MAGI2: variants seen among roughly 807,000 people sequenced by gnomAD.
MAGI2 encodes the protein membrane-associated guanylate kinase, WW and PDZ domain-containing protein 2.
Under a neutral mutation model 133.3 loss-of-function variants are expected in MAGI2, and 35 were observed. The ratio of observed to expected loss-of-function variants is 0.26; its 90% confidence interval spans 0.20 to 0.35. The LOEUF (loss-of-function observed/expected upper bound fraction) is 0.35. Among genes scored for constraint, MAGI2 ranks in the 10% least tolerant of loss-of-function variants. MAGI2 has a pLI of 1.00. For synonymous variants in MAGI2, 729 were observed against 710.6 expected (o/e 1.03, Z -0.41); for missense variants, 1,636 against 1,863.4 (o/e 0.88, Z 2.25).
intron 3 of MAGI2, among the ~76,000 whole-genome samples, chr7:78,605,700 G>A (rs1198453338): frequency 6.6e-6 from 1 of 152,180 alleles, no homozygotes; most frequent in East Asian, 1.9e-4. Flanking sequence ...AAGGAGGGCA[G>A]AAGGAAATCT....
At chr7:79,066,672 A>G (rs1315069995) in intron 1 of MAGI2, among the ~76,000 whole-genome samples, 2 of 152,130 alleles carry the variant, frequency 1.3e-5, no homozygotes, top group Non-Finnish European at 2.9e-5. Flanking sequence ...TTTAGTCATT[A>G]AGTCTTTGCC....
chr7:79,147,395 G>C (rs1822748399), intron 1 of MAGI2, among the ~76,000 whole-genome samples: 2 of 152,172 alleles, frequency 1.3e-5, no homozygotes, highest in African/African-American at 4.8e-5. Flanking sequence ...GCCCACCCTT[G>C]GGCCGTAGTG....
At chr7:78,034,447 G>A (rs1015241874) in intron 21 of MAGI2, among the ~76,000 whole-genome samples, 1 of 152,064 alleles carries the variant, frequency 6.6e-6, no homozygotes, top group Non-Finnish European at 1.5e-5. Flanking sequence ...TCTTTCAAGT[G>A]GTCCCTTCCC....
chr7:78,114,450 ACT>A (rs1442665775), intron 20 of MAGI2, among the ~76,000 whole-genome samples: 1 of 152,104 alleles, frequency 6.6e-6, no homozygotes, highest in Non-Finnish European at 1.5e-5. Flanking sequence ...GTTTCTCTGA[ACT>A]CAGGGGCATA....
At chr7:79,156,966 C>T (rs1180061271) in intron 1 of MAGI2, among the ~76,000 whole-genome samples, 1 of 152,030 alleles carries the variant, frequency 6.6e-6, no homozygotes, top group Non-Finnish European at 1.5e-5. Context: ...GGTAGAACTG[C>T]TAAGTCCTCC....
rs182707232 is a variant in MAGI2, at chr7:79,112,155, A to C, written c.302-104949T>G. Among the ~76,000 whole-genome samples the C allele has an allele frequency of 1.0e-3, 155 of 151,956 alleles. 2 individuals carry two copies. Among genetic ancestry groups the C allele is most frequent in the Non-Finnish European group, 1.5e-3 (105 of 67,962 alleles). ...TAATTATACATTTTTTTTTAGTTGA[A>C]AGGGGCCTCAGGCATCACCTTCCCG... On this transcript the variant is annotated intron_variant, in intron 1 of 21. Transcript: ENST00000354212.
At chr7:78,366,751 A>C (rs1990369) in intron 7 of MAGI2, among the ~76,000 whole-genome samples, 2 of 151,890 alleles carry the variant, frequency 1.3e-5, no homozygotes, top group Non-Finnish European at 2.9e-5. Context: ...TCTACTTAAC[A>C]TTGTCTTTAA....
At chr7:79,196,076 T>A (rs1828054257) in intron 1 of MAGI2, among the ~76,000 whole-genome samples, 1 of 151,568 alleles carries the variant, frequency 6.6e-6, no homozygotes, top group Admixed American at 6.6e-5. Flanking sequence ...TGAAAAAGAG[T>A]GGATATAAAG....
At chr7:78,603,053 C>A (rs1198761535) in intron 3 of MAGI2, among the ~76,000 whole-genome samples, 1 of 152,146 alleles carries the variant, frequency 6.6e-6, no homozygotes, top group Non-Finnish European at 1.5e-5. Context: ...AAAAGCAATT[C>A]TGGGCACTGG....
intron 1 of MAGI2, among the ~76,000 whole-genome samples, chr7:79,166,444 T>C (rs577678668): frequency 1.3e-5 from 2 of 152,134 alleles, no homozygotes; most frequent in Admixed American, 1.3e-4. Context: ...ACGCCTCAAA[T>C]GAGATAGAAA....
intron 21 of MAGI2, chr7:78,072,961 AAT>A (rs1410552250): frequency 5.0e-6 from 2 of 398,688 alleles, no homozygotes; most frequent in Non-Finnish European, 8.8e-6. Context: ...CCTGGCTGGC[AAT>A]ATATGTTCTT....
intron 9 of MAGI2, among the ~76,000 whole-genome samples, chr7:78,282,960 A>C (rs1334531639): frequency 6.6e-6 from 1 of 152,126 alleles, no homozygotes; most frequent in Non-Finnish European, 1.5e-5. Flanking sequence ...TATGGAAATA[A>C]TATAGAAGTT....
chr7:78,034,262 A>C (rs542531300), intron 21 of MAGI2, among the ~76,000 whole-genome samples: 7 of 152,224 alleles, frequency 4.6e-5, no homozygotes, highest in African/African-American at 1.7e-4. Flanking sequence ...TGATGATTAG[A>C]AAGTTGGGGG....
At chr7:78,932,316 GA>G (rs1267922501) in intron 2 of MAGI2, among the ~76,000 whole-genome samples, 1 of 152,006 alleles carries the variant, frequency 6.6e-6, no homozygotes, top group Non-Finnish European at 1.5e-5. Flanking sequence ...ATAGTAATAA[GA>G]AAAAGAGGAA....
chr7:79,452,373 A>C (rs1471045007), intron 1 of MAGI2, among the ~76,000 whole-genome samples: 1 of 152,184 alleles, frequency 6.6e-6, no homozygotes, highest in Non-Finnish European at 1.5e-5. Flanking sequence ...CGATGCCCAC[A>C]TGACACGACC....
chr7:79,288,419 AT>A (rs1247540485), intron 1 of MAGI2, among the ~76,000 whole-genome samples: 1 of 152,164 alleles, frequency 6.6e-6, no homozygotes, highest in Non-Finnish European at 1.5e-5. Context: ...TTCTACTGCA[AT>A]TTTTTAAACA....
chr7:79,013,525 T>G (rs1375017466), intron 1 of MAGI2, among the ~76,000 whole-genome samples: 1 of 152,140 alleles, frequency 6.6e-6, no homozygotes, highest in Non-Finnish European at 1.5e-5. Flanking sequence ...GTTGTTAAGT[T>G]CCTTTTTCAA....
intron 1 of MAGI2, among the ~76,000 whole-genome samples, chr7:79,144,299 G>A (rs1296739094): frequency 3.3e-5 from 5 of 152,174 alleles, no homozygotes; most frequent in African/African-American, 1.2e-4. Flanking sequence ...ACGTGGAATT[G>A]TAATCCCCAG....
intron 1 of MAGI2, among the ~76,000 whole-genome samples, chr7:79,317,764 T>G (rs1317459565): frequency 1.3e-5 from 2 of 152,178 alleles, no homozygotes; most frequent in African/African-American, 4.8e-5. Flanking sequence ...GACCCAATAC[T>G]GCCTCATTTC....
Sources: allele counts gnomAD v4.1 joint callset (sites outside exome capture counted in the v4.1 genomes callset), GRCh38; gene constraint gnomAD v4.1.1; transcripts MANE v1.5; gene names NCBI Gene and HGNC (gene_info 2026-07-23, HGNC 2026-07-21).